Variants in PPP1R9A observed in about 807,000 individuals in gnomAD.
The protein encoded by PPP1R9A is protein phosphatase 1 regulatory subunit 9A, also known as neurabin-1.
Under a neutral mutation model 141.9 loss-of-function variants are expected in PPP1R9A, and 59 were observed. That is an observed-to-expected ratio of 0.42 (90% CI 0.34 to 0.52). PPP1R9A has a LOEUF of 0.52. PPP1R9A is among the 20% of genes least tolerant of loss of function. The pLI, the probability that PPP1R9A is intolerant of heterozygous loss-of-function variation, is 0.10. For missense variants in PPP1R9A, 1,444 were observed against 1,611.9 expected, an observed-to-expected ratio of 0.90 and a Z score of 1.78; for synonymous variants, 500 against 569.7, an observed-to-expected ratio of 0.88 and a Z score of 1.74.
chr7:95,148,287 G>A (rs1027207454), intron 4 of PPP1R9A, among the ~76,000 whole-genome samples: 3 of 152,002 alleles, frequency 2.0e-5, no homozygotes, highest in Non-Finnish European at 4.4e-5. Flanking sequence ...AGCAAAGATC[G>A]ATATTTTTGA....
Position 95,293,560 on chromosome 7 carries a change from A to C in PPP1R9A, c.*3257A>C, listed in dbSNP as rs1182796156. ...TCAACTGGCACAAAATGGGACTGTC[A>C]CCTTTTGCTCCATTGTTGTTGGAAA... On this transcript the variant is annotated 3_prime_UTR_variant, in exon 20 of 20. Transcript: ENST00000433360. 2.6e-5 allele frequency: 4 copies of C among 152,156 alleles called. No individual in the cohort carries two copies. Among genetic ancestry groups the C allele is most frequent in the Non-Finnish European group, 5.9e-5 (4 of 68,040 alleles). 9.4% of individuals were successfully genotyped at this position (152,156 alleles called of 1,614,324 possible). A position where few individuals can be genotyped will look rare whatever the true frequency, so the allele number is the denominator to read the frequency against.
chr7:94,916,723 T>A (rs1792119218), intron 2 of PPP1R9A, among the ~76,000 whole-genome samples: 1 of 148,912 alleles, frequency 6.7e-6, no homozygotes, highest in South Asian at 2.1e-4. Flanking sequence ...CTTTTGCAAG[T>A]GTAAATTAAT....
chr7:95,139,036 A>G (rs1826166916), intron 4 of PPP1R9A, among the ~76,000 whole-genome samples: 3 of 152,216 alleles, frequency 2.0e-5, no homozygotes, highest in African/African-American at 7.2e-5. Flanking sequence ...GTCTACATAA[A>G]GTCTTGCATG....
chr7:95,134,459 A>C (rs941707824), intron 4 of PPP1R9A, among the ~76,000 whole-genome samples: 1 of 152,094 alleles, frequency 6.6e-6, no homozygotes, highest in East Asian at 1.9e-4. Context: ...CATTCTGCAC[A>C]TGTATTCACT....
At chr7:95,186,239 G>A (rs1026127101) in intron 5 of PPP1R9A, among the ~76,000 whole-genome samples, 6 of 146,536 alleles carry the variant, frequency 4.1e-5, no homozygotes, top group African/African-American at 9.8e-5. Context: ...GAGATCTTTC[G>A]AAACTCCCTA....
chr7:95,173,567 A>T (rs1419873535), intron 5 of PPP1R9A, among the ~76,000 whole-genome samples: 2 of 152,088 alleles, frequency 1.3e-5, no homozygotes, highest in African/African-American at 2.4e-5. Flanking sequence ...AAATGGAAAA[A>T]CAAGCCACTT....
At position 94,978,828 on chromosome 7, in the gene PPP1R9A, G is replaced by A. The variant is rs1799764367; in HGVS notation, c.1395+67320G>A. Among the ~76,000 whole-genome samples, 6 of 152,210 alleles carry A rather than the reference G, an allele frequency of 3.9e-5. No individual in the cohort carries two copies. The South Asian group carries it at 1.0e-3, about 26-fold the overall frequency. On this transcript the variant is annotated intron_variant, in intron 2 of 19. Coordinates refer to ENST00000433360, the MANE Select transcript of PPP1R9A (RefSeq NM_001166160.2). Reference sequence around the variant, plus strand: ...GTTTTGTTTTGTGAGACACGGTCTCGCTCTGTTGCGCAGGCTGGAGTGCAG... The same window carrying A: ...GTTTTGTTTTGTGAGACACGGTCTCACTCTGTTGCGCAGGCTGGAGTGCAG...
At chr7:94,942,133 C>T (rs1362067259) in intron 2 of PPP1R9A, among the ~76,000 whole-genome samples, 1 of 151,846 alleles carries the variant, frequency 6.6e-6, no homozygotes, top group Non-Finnish European at 1.5e-5. Context: ...ATCATTTCTC[C>T]CACTTCTCTC....
chr7:94,907,721 C>CT lies in PPP1R9A; in HGVS notation c.-217+19_-217+20insT, dbSNP rs142221536. 0.14 allele frequency: 20,957 copies of CT among 152,180 alleles called. 1,728 individuals are homozygous for CT. Among genetic ancestry groups the CT allele is most frequent in the East Asian group, 0.27 (1,361 of 5,106 alleles). 9.4% of individuals were successfully genotyped at this position (152,180 alleles called of 1,614,324 possible). ...AGCCGAGGTGAGGCACCTGTTACCC[C>CT]GGCCTTCCTCACCCCCGCGGCCTCT... On this transcript the variant is annotated intron_variant, in intron 1 of 19. Transcript: ENST00000433360.
At chr7:94,983,463 C>T (rs1800385834) in intron 2 of PPP1R9A, among the ~76,000 whole-genome samples, 1 of 152,132 alleles carries the variant, frequency 6.6e-6, no homozygotes. Flanking sequence ...TATCCATGAG[C>T]ATGGAATATT....
chr7:95,175,634 A>T (rs983383024), intron 5 of PPP1R9A, among the ~76,000 whole-genome samples: 4 of 152,148 alleles, frequency 2.6e-5, no homozygotes, highest in African/African-American at 9.6e-5. Context: ...AAAATTTGAT[A>T]TAAGACAGAG....
chr7:95,214,797 G>T (rs573124681), intron 7 of PPP1R9A, among the ~76,000 whole-genome samples: 2 of 151,990 alleles, frequency 1.3e-5, no homozygotes, highest in East Asian at 3.9e-4. Flanking sequence ...TGATTTTTTT[G>T]GTCAAAATTT....
chr7:95,162,711 G>T (rs983610487), intron 5 of PPP1R9A, among the ~76,000 whole-genome samples: 1 of 152,130 alleles, frequency 6.6e-6, no homozygotes, highest in African/African-American at 2.4e-5. Flanking sequence ...ATGGTTGGGT[G>T]TTCTCATTAT....
chr7:95,264,590 G>A (rs935641550), intron 12 of PPP1R9A, among the ~76,000 whole-genome samples: 1 of 152,156 alleles, frequency 6.6e-6, no homozygotes, highest in African/African-American at 2.4e-5. Flanking sequence ...GATCCAATTT[G>A]TAGCAGTATT....
chr7:95,129,647 T>G (rs1183168749), intron 4 of PPP1R9A, among the ~76,000 whole-genome samples: 1 of 152,024 alleles, frequency 6.6e-6, no homozygotes, highest in African/African-American at 2.4e-5. Flanking sequence ...TGTGGGAAAA[T>G]TTGGAACTTC....
intron 3 of PPP1R9A, among the ~76,000 whole-genome samples, chr7:95,114,538 T>C (rs1821127288): frequency 6.6e-6 from 1 of 152,124 alleles, no homozygotes; most frequent in South Asian, 2.1e-4. Flanking sequence ...AACATAATGT[T>C]TTGTAGATAA....
intron 2 of PPP1R9A, among the ~76,000 whole-genome samples, chr7:95,077,379 AC>A (rs1031541399): frequency 3.9e-5 from 6 of 152,012 alleles, no homozygotes; most frequent in African/African-American, 1.4e-4. Context: ...ATCTTAGTTT[AC>A]TTCCATTTTT....
chr7:94,945,058 G>A (rs1025999596), intron 2 of PPP1R9A, among the ~76,000 whole-genome samples: 17 of 151,876 alleles, frequency 1.1e-4, no homozygotes, highest in Non-Finnish European at 1.9e-4. Flanking sequence ...CATGAGATAC[G>A]TACCTTTTAG....
intron 2 of PPP1R9A, among the ~76,000 whole-genome samples, chr7:95,088,990 A>G (rs969005924): frequency 2.0e-5 from 3 of 152,040 alleles, no homozygotes; most frequent in African/African-American, 7.3e-5. Context: ...CAGATGAGGA[A>G]GATGTGGGCC....
Sources: gnomAD v4.1 joint callset for allele counts (sites outside exome capture counted in the v4.1 genomes callset) on GRCh38, gnomAD v4.1.1 for gene constraint, MANE v1.5 for transcripts, NCBI Gene and HGNC (gene_info 2026-07-23, HGNC 2026-07-21) for gene names.